The following PTPRM variants were observed in gnomAD, a reference collection of about 807,000 sequenced individuals.
The protein encoded by PTPRM is receptor-type tyrosine-protein phosphatase mu.
A neutral mutation model predicts 186.7 loss-of-function variants in PTPRM; 47 were observed. The ratio of observed to expected loss-of-function variants is 0.25; its 90% CI spans 0.20 to 0.32. The LOEUF is 0.32. Among genes scored for constraint, PTPRM ranks in the 10% least tolerant of loss-of-function variants. The pLI is 1.00. For missense variants in PTPRM, 1,494 were observed against 1,865.0 expected (o/e 0.80, Z 3.66); for synonymous variants, 668 against 674.9 (o/e 0.99, Z 0.16).
intron 7 of PTPRM, among the ~76,000 whole-genome samples, chr18:8,067,121 T>C (rs2089142215): frequency 6.6e-6 from 1 of 152,220 alleles, no homozygotes; most frequent in Non-Finnish European, 1.5e-5. Flanking sequence ...CTGAAGCCTT[T>C]AGTCATTTTA....
chr18:8,035,648 T>A lies in PTPRM; in HGVS notation c.1133-34038T>A, dbSNP rs1180891078. 2.0e-3 allele frequency among the ~76,000 whole-genome samples: 309 copies of A among 152,324 alleles called. 4 individuals carry two copies. Among genetic ancestry groups the A allele is most frequent in the African/African-American group, 7.1e-3 (295 of 41,582 alleles). On this transcript the variant is annotated intron_variant, in intron 7 of 32. Coordinates refer to ENST00000580170, the MANE Select transcript of PTPRM (RefSeq NM_001105244.2). ...TGCAGAAATTGCAGATACGGAGGGC[T>A]GACTGTACCTATAAAAAGAGGACAG...
intron 2 of PTPRM, among the ~76,000 whole-genome samples, chr18:7,816,626 T>A (rs559094349): frequency 2.6e-5 from 4 of 152,214 alleles, no homozygotes; most frequent in Non-Finnish European, 5.9e-5. Flanking sequence ...TCATTCCTTT[T>A]TCTTGGAGTC....
chr18:8,207,663 G>A (rs185272210), intron 14 of PTPRM, among the ~76,000 whole-genome samples: 17 of 152,272 alleles, frequency 1.1e-4, no homozygotes, highest in Admixed American at 2.0e-4. Context: ...GTGAAATAAT[G>A]ATTTGTATTT....
intron 9 of PTPRM, among the ~76,000 whole-genome samples, chr18:8,078,299 C>A (rs1292258279): frequency 6.6e-6 from 1 of 152,190 alleles, no homozygotes; most frequent in Non-Finnish European, 1.5e-5. Flanking sequence ...GAGTTTACAA[C>A]AGGCACATAC....
chr18:8,098,483 G>T (rs929338574), intron 11 of PTPRM, among the ~76,000 whole-genome samples: 2 of 152,016 alleles, frequency 1.3e-5, no homozygotes, highest in Admixed American at 1.3e-4. Flanking sequence ...TAACTAGTGG[G>T]ACATACCAGG....
chr18:7,976,138 C>T (rs2054918936), intron 7 of PTPRM, among the ~76,000 whole-genome samples: 2 of 151,970 alleles, frequency 1.3e-5, no homozygotes, highest in Admixed American at 1.3e-4. Context: ...CATTGCATTC[C>T]AGCCGGGAGA....
chr18:7,912,762 G>T (rs1467249875), intron 4 of PTPRM, among the ~76,000 whole-genome samples: 1 of 151,350 alleles, frequency 6.6e-6, no homozygotes, highest in African/African-American at 2.4e-5. Context: ...CTCGTGATCC[G>T]CCCGCCTCAG....
intron 5 of PTPRM, among the ~76,000 whole-genome samples, chr18:7,948,025 C>G (rs553853250): frequency 6.6e-6 from 1 of 151,886 alleles, no homozygotes; most frequent in African/African-American, 2.4e-5. Context: ...TTGGGCATTA[C>G]GCTTGGCATA....
intron 31 of PTPRM, among the ~76,000 whole-genome samples, chr18:8,392,544 G>A (rs780791342): frequency 6.6e-6 from 1 of 151,794 alleles, no homozygotes; most frequent in Admixed American, 6.6e-5. Flanking sequence ...GGAGAATGGC[G>A]TGAACCCAGG....
intron 1 of PTPRM, among the ~76,000 whole-genome samples, chr18:7,734,662 G>A (rs751297292): frequency 6.6e-6 from 1 of 152,116 alleles, no homozygotes; most frequent in African/African-American, 2.4e-5. Flanking sequence ...GGGAGCAAAT[G>A]GCATGGAATT....
At position 8,126,578 on chromosome 18, in the gene PTPRM, A is replaced by G. The variant is rs996960540; in HGVS notation, c.2167+11751A>G. On this transcript the variant is annotated intron_variant, in intron 13 of 32. Transcript: ENST00000580170. ...CTGCTGACTGTCTGTCCATTTCTCT[A>G]CTTCCCACCAGTCAGATCCCATTTC... is the stretch of plus-strand genomic sequence containing the variant. Among the ~76,000 whole-genome samples the G allele has an allele frequency of 4.6e-5, 7 of 152,132 alleles. 1 individual carries two copies. The highest frequency in any genetic ancestry group is 4.1e-4 in the South Asian group (2 of 4,832).
chr18:7,685,415 A>G (rs1021798340), intron 1 of PTPRM, among the ~76,000 whole-genome samples: 1 of 152,214 alleles, frequency 6.6e-6, no homozygotes, highest in Non-Finnish European at 1.5e-5. Context: ...TAGTAAACGT[A>G]TTAGAAAAGG....
At chr18:7,828,575 C>T (rs1485645600) in intron 2 of PTPRM, among the ~76,000 whole-genome samples, 3 of 152,140 alleles carry the variant, frequency 2.0e-5, no homozygotes, top group Non-Finnish European at 2.9e-5. Flanking sequence ...TGAACCCATA[C>T]AGGGAGGCGC....
chr18:7,817,450 C>T (rs998232129), intron 2 of PTPRM, among the ~76,000 whole-genome samples: 6 of 151,930 alleles, frequency 3.9e-5, no homozygotes, highest in Admixed American at 3.9e-4. Context: ...TATTAGATAC[C>T]ATTTGGGGTT....
chr18:7,758,962 C>T (rs2041638880), intron 1 of PTPRM, among the ~76,000 whole-genome samples: 1 of 140,850 alleles, frequency 7.1e-6, no homozygotes, highest in Non-Finnish European at 1.5e-5. Flanking sequence ...GATGAAGTAA[C>T]TGTCGGAGGG....
chr18:7,799,395 T>TA (rs2043836996), intron 2 of PTPRM, among the ~76,000 whole-genome samples: 1 of 152,210 alleles, frequency 6.6e-6, no homozygotes, highest in Non-Finnish European at 1.5e-5. Flanking sequence ...GACATGCACA[T>TA]TCAAGTCATA....
At chr18:7,954,368 T>C (rs930350071) in intron 6 of PTPRM, among the ~76,000 whole-genome samples, 5 of 152,224 alleles carry the variant, frequency 3.3e-5, no homozygotes, top group African/African-American at 1.2e-4. Flanking sequence ...GTTCCCTGAA[T>C]GGCAGCAGTG....
intron 4 of PTPRM, among the ~76,000 whole-genome samples, chr18:7,916,619 A>T (rs1354973011): frequency 1.3e-5 from 2 of 152,066 alleles, no homozygotes; most frequent in East Asian, 1.9e-4. Context: ...TTCTTTTTTA[A>T]AAAAAATGTT....
chr18:7,943,580 T>A (rs1304356024), intron 5 of PTPRM, among the ~76,000 whole-genome samples: 2 of 152,180 alleles, frequency 1.3e-5, no homozygotes, highest in African/African-American at 4.8e-5. Context: ...ATCATCTTAC[T>A]GTTTTGCAGG....
Sources: gnomAD v4.1 joint callset for allele counts (sites outside exome capture counted in the v4.1 genomes callset) on GRCh38, gnomAD v4.1.1 for gene constraint, MANE v1.5 for transcripts, NCBI Gene and HGNC (gene_info 2026-07-23, HGNC 2026-07-21) for gene names.